SUSD1: variants seen among roughly 807,000 people sequenced by gnomAD.
SUSD1 encodes the protein sushi domain containing 1.
A neutral mutation model predicts 86.9 loss-of-function variants in SUSD1; 65 were observed. The ratio of observed to expected loss-of-function variants is 0.75; its 90% CI spans 0.61 to 0.92. The LOEUF (loss-of-function observed/expected upper bound fraction) is 0.92. SUSD1 is among the 40% of genes least tolerant of loss of function. The probability of loss-of-function intolerance (pLI) is 0.00; values close to 1 mark genes in which losing one functional copy is unlikely to be tolerated. For missense variants in SUSD1, 850 were observed against 929.7 expected (o/e 0.91, Z 1.11); for synonymous variants, 346 against 350.0 (o/e 0.99, Z 0.13).
intron 2 of SUSD1, among the ~76,000 whole-genome samples, chr9:112,151,838 G>A (rs1004480777): frequency 6.6e-6 from 1 of 151,708 alleles, no homozygotes; most frequent in African/African-American, 2.4e-5. Context: ...AGGAGTTCAA[G>A]ACCAGCCTCA....
At chr9:112,135,240 T>C (rs1832211840) in intron 5 of SUSD1, among the ~76,000 whole-genome samples, 1 of 152,228 alleles carries the variant, frequency 6.6e-6, no homozygotes, top group Non-Finnish European at 1.5e-5. Context: ...TACTTTTTGA[T>C]GCATTTTGTA....
chr9:112,166,232 A>T (rs1833823433), intron 1 of SUSD1, among the ~76,000 whole-genome samples: 1 of 152,224 alleles, frequency 6.6e-6, no homozygotes, highest in Admixed American at 6.5e-5. Context: ...CTCTCTGACC[A>T]CACGGGTCCA....
chr9:112,099,287 C>T (rs1830529739), intron 9 of SUSD1, among the ~76,000 whole-genome samples: 2 of 152,118 alleles, frequency 1.3e-5, no homozygotes, highest in South Asian at 4.1e-4. Flanking sequence ...GCCTCAAGCC[C>T]ACCTCAGCCT....
chr9:112,170,779 G>GGCTCACT (rs1337985944), intron 1 of SUSD1, among the ~76,000 whole-genome samples: 2 of 149,154 alleles, frequency 1.3e-5, no homozygotes, highest in African/African-American at 5.0e-5. Flanking sequence ...GCATGATCTC[G>GGCTCACT]GCTCACTGCA....
chr9:112,101,207 C>G (rs1173443932), intron 9 of SUSD1, among the ~76,000 whole-genome samples: 2 of 151,774 alleles, frequency 1.3e-5, no homozygotes, highest in Non-Finnish European at 2.9e-5. Flanking sequence ...AATAAAAATA[C>G]AAAAATCAGC....
intron 1 of SUSD1, among the ~76,000 whole-genome samples, chr9:112,170,625 C>T (rs1833997586): frequency 1.3e-5 from 2 of 151,090 alleles, no homozygotes; most frequent in Admixed American, 6.6e-5. Context: ...ATCTTTGATG[C>T]CAATTAATGT....
intron 3 of SUSD1, chr9:112,146,256 G>A (rs972556595): frequency 1.3e-5 from 2 of 152,224 alleles, no homozygotes; most frequent in African/African-American, 4.8e-5. Flanking sequence ...GAAAGGTCAT[G>A]GGAATGGCTG....
intron 10 of SUSD1, among the ~76,000 whole-genome samples, chr9:112,082,878 C>T (rs999374889): frequency 4.6e-5 from 7 of 151,772 alleles, no homozygotes; most frequent in East Asian, 1.9e-4. Flanking sequence ...CCACCACGTC[C>T]GGCTTATTTT....
At chr9:112,132,593 A>G (rs1010555314) in intron 5 of SUSD1, among the ~76,000 whole-genome samples, 2 of 152,222 alleles carry the variant, frequency 1.3e-5, no homozygotes, top group Admixed American at 6.5e-5. Flanking sequence ...GATTAATACC[A>G]GAGTCTGCAC....
At position 112,143,452 on chromosome 9, in the gene SUSD1, A is replaced by G; in HGVS notation, c.526+19T>C. On this transcript the variant is annotated intron_variant, in intron 4 of 16. Transcript: ENST00000374270. ...CAGAATTTCACGTTGAGATGCCGCAATTTTTGGCAGAAACCCACCTGTGCA... is the reference window on the plus strand; with the variant it reads ...CAGAATTTCACGTTGAGATGCCGCAGTTTTTGGCAGAAACCCACCTGTGCA... 1 of 1,610,088 alleles carries G rather than the reference A, an allele frequency of 6.2e-7. No individual in the cohort carries two copies. Among genetic ancestry groups the G allele is most frequent in the Non-Finnish European group, 8.5e-7 (1 of 1,178,226 alleles).
At chr9:112,101,105 T>C (rs1387801968) in intron 9 of SUSD1, among the ~76,000 whole-genome samples, 1 of 151,958 alleles carries the variant, frequency 6.6e-6, no homozygotes, top group Admixed American at 6.5e-5. Context: ...CTCACACCTG[T>C]AATCCCAGCA....
At chr9:112,100,198 GT>G (rs1443396002) in intron 9 of SUSD1, among the ~76,000 whole-genome samples, 1 of 151,982 alleles carries the variant, frequency 6.6e-6, no homozygotes, top group Non-Finnish European at 1.5e-5. Context: ...TTTTGTTGTT[GT>G]TTTTTTAGAC....
rs758442726 is a variant in SUSD1 at position 112,170,710 on chromosome 9, T to TATATATAG, written c.103+4422_103+4423insCTATATAT. Among the ~76,000 whole-genome samples, 55 of 113,808 alleles carry TATATATAG rather than the reference T, an allele frequency of 4.8e-4. 1 individual carries two copies. Among genetic ancestry groups the TATATATAG allele is most frequent in the African/African-American group, 1.4e-3 (36 of 26,314 alleles). The allele number at this position is 113,808 out of a possible 152,430, so 74.7% of individuals were successfully genotyped here. On this transcript the variant is annotated intron_variant, in intron 1 of 16. Transcript: ENST00000374270. ...GCCAGATCATATATATATATATATA[T>TATATATAG]AGAGAGAGAGAGAGAGAGAGAGAGA...
chr9:112,078,257 G>A (rs146986117), intron 12 of SUSD1, among the ~76,000 whole-genome samples: 36 of 152,308 alleles, frequency 2.4e-4, no homozygotes, highest in Non-Finnish European at 3.2e-4. Context: ...TGAGGCAGGA[G>A]GATCATTTAA....
At chr9:112,150,705 T>C (rs776773337) in intron 2 of SUSD1, among the ~76,000 whole-genome samples, 1 of 152,222 alleles carries the variant, frequency 6.6e-6, no homozygotes. Context: ...TATAGCATGT[T>C]ACTGTACTGA....
intron 2 of SUSD1, among the ~76,000 whole-genome samples, chr9:112,156,224 G>A (rs867927515): frequency 2.0e-5 from 3 of 151,936 alleles, no homozygotes; most frequent in African/African-American, 7.3e-5. Context: ...AGCACTTTGG[G>A]AGGCCAAGGC....
At chr9:112,111,562 G>C in intron 8 of SUSD1, 92 bp downstream of exon 8, 1 of 1,482,188 alleles carries the variant, frequency 6.7e-7, no homozygotes, top group Non-Finnish European at 9.1e-7. Context: ...CAGCAAATAG[G>C]AGCTCTCCAG....
chr9:112,061,623 A>G (rs1481148101), intron 13 of SUSD1, among the ~76,000 whole-genome samples: 1 of 152,228 alleles, frequency 6.6e-6, no homozygotes, highest in African/African-American at 2.4e-5. Context: ...TTATAATGAC[A>G]GAATTACAAT....
intron 5 of SUSD1, among the ~76,000 whole-genome samples, chr9:112,141,212 C>T (rs370009293): frequency 7.9e-5 from 12 of 152,210 alleles, no homozygotes; most frequent in African/African-American, 2.7e-4. Context: ...GCCACAAACA[C>T]GTGAGTGTGA....
Sources: allele counts gnomAD v4.1 joint callset (sites outside exome capture counted in the v4.1 genomes callset), GRCh38; gene constraint gnomAD v4.1.1; transcripts MANE v1.5; gene names NCBI Gene and HGNC (gene_info 2026-07-23, HGNC 2026-07-21).